The following RALYL variants were observed in gnomAD, a reference collection of about 807,000 sequenced individuals.
RALYL encodes the protein RNA-binding Raly-like protein.
Under a neutral mutation model 35.1 loss-of-function variants are expected in RALYL, and 29 were observed. The ratio of observed to expected loss-of-function variants is 0.83; its 90% CI spans 0.61 to 1.13. The LOEUF (loss-of-function observed/expected upper bound fraction) is 1.13. RALYL is among the 50% of genes most tolerant of loss of function. The pLI is 0.00. For missense variants in RALYL, 359 were observed against 360.4 expected, an observed-to-expected ratio of 1.00 and a Z score of 0.03; for synonymous variants, 120 against 127.6, an observed-to-expected ratio of 0.94 and a Z score of 0.40.
At chr8:84,263,892 G>A (rs1832776582) in intron 1 of RALYL, among the ~76,000 whole-genome samples, 1 of 152,110 alleles carries the variant, frequency 6.6e-6, no homozygotes. Context: ...GCATTAGTTT[G>A]TTGAGGATAA....
At chr8:84,327,190 G>T (rs1456960473) in intron 1 of RALYL, among the ~76,000 whole-genome samples, 2 of 152,148 alleles carry the variant, frequency 1.3e-5, no homozygotes, top group African/African-American at 2.4e-5. Context: ...AACTCAGTTT[G>T]GGGTGGGGAG....
intron 2 of RALYL, among the ~76,000 whole-genome samples, chr8:84,654,270 CATATATATATATATATATAT>C (rs143309933): frequency 6.7e-4 from 30 of 44,532 alleles, no homozygotes; most frequent in South Asian, 3.3e-3. Context: ...TCTCATGTTC[CATATATATATATATATATAT>C]ATATATATAT....
chr8:84,475,040 C>T (rs1436966124), intron 1 of RALYL, among the ~76,000 whole-genome samples: 1 of 151,898 alleles, frequency 6.6e-6, no homozygotes, highest in Admixed American at 6.6e-5. Context: ...AGGTATTTCT[C>T]CTAATGCTAT....
At chr8:84,366,848 A>G (rs1232972138) in intron 1 of RALYL, among the ~76,000 whole-genome samples, 2 of 151,378 alleles carry the variant, frequency 1.3e-5, no homozygotes, top group Non-Finnish European at 2.9e-5. Context: ...TTCACACAAT[A>G]TACAAACACA....
intron 1 of RALYL, among the ~76,000 whole-genome samples, chr8:84,354,025 T>C (rs1163465861): frequency 6.7e-6 from 1 of 149,578 alleles, no homozygotes; most frequent in Non-Finnish European, 1.5e-5. Context: ...TGTGTGTCTT[T>C]ATTTGCATGC....
intron 2 of RALYL, among the ~76,000 whole-genome samples, chr8:84,535,360 T>TAA (rs1490693359): frequency 6.6e-6 from 1 of 151,740 alleles, no homozygotes; most frequent in Non-Finnish European, 1.5e-5. Flanking sequence ...CTTTTGAGAG[T>TAA]AAAAAGTTAC....
chr8:84,724,982 C>A (rs1844664373), intron 2 of RALYL, among the ~76,000 whole-genome samples: 1 of 151,594 alleles, frequency 6.6e-6, no homozygotes, highest in Non-Finnish European at 1.5e-5. Context: ...AGCATAGCTT[C>A]ATTTTTTCCT....
Position 84,260,985 on chromosome 8 carries a change from A to G in RALYL, c.-24+76561A>G, listed in dbSNP as rs11995610. Among the ~76,000 whole-genome samples, 880 of 152,148 alleles carry G rather than the reference A, an allele frequency of 5.8e-3. 8 individuals are homozygous for G. Among genetic ancestry groups the G allele is most frequent in the African/African-American group, 0.02 (815 of 41,524 alleles). On this transcript the variant is annotated intron_variant, in intron 1 of 8. Transcript: ENST00000521268. ...ATAAGTGGCAGATGACAATTTTGGG[A>G]TCTTGAATTTTTATGATCTATATAT...
intron 1 of RALYL, among the ~76,000 whole-genome samples, chr8:84,401,584 G>T (rs1050770244): frequency 7.8e-6 from 1 of 128,742 alleles, no homozygotes; most frequent in African/African-American, 2.9e-5. Flanking sequence ...CTTGCAGTGA[G>T]CCCAGATAGC....
At chr8:84,368,586 G>C (rs1855025469) in intron 1 of RALYL, among the ~76,000 whole-genome samples, 1 of 152,134 alleles carries the variant, frequency 6.6e-6, no homozygotes, top group Non-Finnish European at 1.5e-5. Context: ...TCACAATCAT[G>C]GTGGAAGGTG....
intron 3 of RALYL, among the ~76,000 whole-genome samples, chr8:84,778,886 A>T (rs1817460903): frequency 6.6e-6 from 1 of 152,204 alleles, no homozygotes; most frequent in Non-Finnish European, 1.5e-5. Context: ...GAAATAGGAA[A>T]CACATGATAA....
chr8:84,736,468 G>T (rs539038285), intron 2 of RALYL, among the ~76,000 whole-genome samples: 1 of 152,150 alleles, frequency 6.6e-6, no homozygotes, highest in Admixed American at 6.6e-5. Flanking sequence ...GGTTGAAAAA[G>T]TTTCATGAGA....
chr8:84,218,727 ACAGT>A (rs1287220598), intron 1 of RALYL, among the ~76,000 whole-genome samples: 2 of 151,994 alleles, frequency 1.3e-5, no homozygotes, highest in African/African-American at 2.4e-5. Flanking sequence ...GCTTACCTCA[ACAGT>A]CAGTTTATTG....
intron 2 of RALYL, chr8:84,679,771 A>C (rs1834988158): frequency 1.9e-6 from 1 of 519,032 alleles, no homozygotes; most frequent in African/African-American, 2.0e-5. Flanking sequence ...TTCAGCACTG[A>C]TGAAGCCAGG....
chr8:84,770,971 G>A (rs1024205688), intron 2 of RALYL, among the ~76,000 whole-genome samples: 1 of 152,118 alleles, frequency 6.6e-6, no homozygotes, highest in Non-Finnish European at 1.5e-5. Context: ...TGTATAAATT[G>A]TGAAGATTTT....
intron 2 of RALYL, among the ~76,000 whole-genome samples, chr8:84,699,045 G>T (rs1839724476): frequency 6.6e-6 from 1 of 151,904 alleles, no homozygotes. Context: ...TAGATAGATA[G>T]ATAGATAGAT....
intron 2 of RALYL, among the ~76,000 whole-genome samples, chr8:84,672,380 G>T (rs1833432861): frequency 1.3e-5 from 2 of 152,150 alleles, no homozygotes; most frequent in South Asian, 2.1e-4. Flanking sequence ...TTTTTAGGAA[G>T]TTCCAAACTT....
chr8:84,306,332 A>C (rs1841802537), intron 1 of RALYL, among the ~76,000 whole-genome samples: 1 of 152,150 alleles, frequency 6.6e-6, no homozygotes, highest in Non-Finnish European at 1.5e-5. Context: ...AAGGAGGAGG[A>C]GTATTTCTGA....
chr8:84,846,231 T>C (rs1024295621), intron 4 of RALYL, among the ~76,000 whole-genome samples: 2 of 152,186 alleles, frequency 1.3e-5, no homozygotes, highest in African/African-American at 4.8e-5. Flanking sequence ...TTGCATGGGA[T>C]AGTATGGCCA....
Sources: allele counts gnomAD v4.1 joint callset (sites outside exome capture counted in the v4.1 genomes callset), GRCh38; gene constraint gnomAD v4.1.1; transcripts MANE v1.5; gene names NCBI Gene and HGNC (gene_info 2026-07-23, HGNC 2026-07-21).